Variants in DLG5 observed in about 807,000 individuals in gnomAD.
DLG5 encodes disks large homolog 5.
A neutral mutation model predicts 189.8 loss-of-function variants in DLG5; 48 were observed. That is an observed-to-expected ratio of 0.25 (90% CI 0.20 to 0.32). The LOEUF (loss-of-function observed/expected upper bound fraction) is 0.32. Ranked by LOEUF, DLG5 falls within the 10% of genes least tolerant of loss-of-function variation. The pLI is 1.00. For missense variants in DLG5, 2,160 were observed against 2,544.7 expected, an observed-to-expected ratio of 0.85 and a Z score of 3.25; for synonymous variants, 1,016 against 1,054.1, an observed-to-expected ratio of 0.96 and a Z score of 0.70.
chr10:77,869,363 C>T, intron 1 of DLG5, 166 bp from the exon 2 acceptor site: 1 of 636,202 alleles, frequency 1.6e-6, no homozygotes, highest in South Asian at 1.8e-5. Flanking sequence ...CAGATCTGGA[C>T]TTCGGTGTTT....
At chr10:77,816,753 A>G (rs1320605898) in intron 19 of DLG5, 52 bp from the exon 20 acceptor site, 4 of 1,566,400 alleles carry the variant, frequency 2.6e-6, no homozygotes, top group African/African-American at 2.7e-5. Context: ...CACTTCCCCA[A>G]CAGCCAAGAC....
the DLG5 span, among the ~76,000 whole-genome samples, chr10:77,934,038 A>G: frequency 6.6e-6 from 1 of 150,712 alleles, no homozygotes; most frequent in Non-Finnish European, 1.5e-5. Context: ...ACAGAGTGAG[A>G]CTCTGTCTCC....
At chr10:77,865,635 G>A (rs1844644482) in intron 2 of DLG5, among the ~76,000 whole-genome samples, 1 of 152,180 alleles carries the variant, frequency 6.6e-6, no homozygotes, top group African/African-American at 2.4e-5. Flanking sequence ...GGATGAATGG[G>A]GAGGAAAAAA....
At chr10:77,829,623 G>T (rs138160841) in intron 11 of DLG5, 93 bp from the exon 12 acceptor site, 4 of 1,427,764 alleles carry the variant, frequency 2.8e-6, no homozygotes, top group Non-Finnish European at 3.8e-6. Context: ...GACTGCCAAG[G>T]AGTGGGTGCC....
intron 8 of DLG5, among the ~76,000 whole-genome samples, chr10:77,835,087 C>G (rs1038454048): frequency 6.6e-6 from 1 of 152,138 alleles, no homozygotes; most frequent in Admixed American, 6.5e-5. Flanking sequence ...ACACCTGCCC[C>G]TGGGAATCTC....
chr10:77,796,486 T>A lies in DLG5; in HGVS notation c.5273A>T (p.Asn1758Ile), dbSNP rs150115850. The A allele has an allele frequency of 2.6e-5, 42 of 1,614,058 alleles. No homozygotes were observed. The highest frequency in any genetic ancestry group is 3.5e-5 in the Non-Finnish European group (41 of 1,180,040). The change falls in exon 28 of 32, where the codon AAT becomes ATT. Residue 1758 changes from asparagine (N) to isoleucine (I), a missense_variant. This residue lies in a region of DLG5 where 574 missense variants were observed against 644.2 expected (regional missense o/e 0.89). Coordinates refer to ENST00000372391, the MANE Select transcript of DLG5 (RefSeq NM_004747.4). The surrounding 1 kb of genome is among the most constrained non-coding windows in gnomAD (Gnocchi z 5.2). ...TCTGCAGAACTTGCCAGGAGCCTCA[T>A]TCACCAGCATCTCCTTCACCACGTC... ...LLDVVKEMLVNEAPGKFCRCP... is the reference protein window; with the variant it reads ...LLDVVKEMLVIEAPGKFCRCP...
At chr10:77,902,470 T>C (rs965768140) in intron 1 of DLG5, among the ~76,000 whole-genome samples, 2 of 152,332 alleles carry the variant, frequency 1.3e-5, no homozygotes, top group South Asian at 2.1e-4. Flanking sequence ...CACCGCAGCA[T>C]TGTAAGTACA....
At position 77,794,940 on chromosome 10, in the gene DLG5, C is replaced by G; in HGVS notation, c.5455G>C (p.Asp1819His). Residue 1819 changes from aspartate (D) to histidine (H), a missense_variant, in exon 30 of 32, where the codon GAC (aspartate) becomes CAC (histidine). Asp to His is a moderately conservative substitution (Grantham distance 81). Coordinates refer to ENST00000372391, the MANE Select transcript of DLG5 (RefSeq NM_004747.4). ...CGCTCAATAGCGTGCGGAGCAATGT[C>G]CAGGAGGCAGTGTCGGTTCTGGGGT... Reference protein sequence around the residue: ...ITEKNRHCLLDIAPHAIERLH... With the variant: ...ITEKNRHCLLHIAPHAIERLH... 1 of 1,613,832 alleles carries G rather than the reference C, an allele frequency of 6.2e-7. No homozygotes were observed. The highest frequency in any genetic ancestry group is 1.1e-5 in the South Asian group (1 of 91,044).
At chr10:77,899,719 C>G (rs754928661) in intron 1 of DLG5, among the ~76,000 whole-genome samples, 3 of 152,204 alleles carry the variant, frequency 2.0e-5, no homozygotes, top group Non-Finnish European at 4.4e-5. Context: ...AGCTGGCTCA[C>G]CAGGGACACA....
Position 77,829,479 on chromosome 10 carries a change from G to A in DLG5, c.2061C>T (p.Asp687=). 1 of 1,614,032 alleles carries A rather than the reference G, an allele frequency of 6.2e-7. No homozygotes were observed. Among genetic ancestry groups the A allele is most frequent in the Non-Finnish European group, 8.5e-7 (1 of 1,179,982 alleles). Residue 687 remains aspartate, a synonymous_variant, in exon 12 of 32, where the codon GAC becomes GAT. Transcript: ENST00000372391. The part of the protein sequence containing the change: ...RINDVDLINK[D]KKQAIKALLN... Reference sequence around the variant, plus strand: ...GGAGCGCCTTGATGGCCTGCTTCTTGTCCTTGTTGATGAGGTCCACATCGT... The same window carrying A: ...GGAGCGCCTTGATGGCCTGCTTCTTATCCTTGTTGATGAGGTCCACATCGT...
intron 5 of DLG5, among the ~76,000 whole-genome samples, chr10:77,844,653 T>C (rs1564541166): frequency 6.6e-6 from 1 of 152,142 alleles, no homozygotes; most frequent in Non-Finnish European, 1.5e-5. Flanking sequence ...TATCCTAATT[T>C]GGAGGGTGTG....
At chr10:77,818,139 G>A (rs1382755865) in intron 17 of DLG5, among the ~76,000 whole-genome samples, 1 of 152,118 alleles carries the variant, frequency 6.6e-6, no homozygotes, top group Non-Finnish European at 1.5e-5. Flanking sequence ...CCAGCCATAG[G>A]GTCAGGATTA....
At chr10:77,811,793 C>T (rs781616290) in intron 22 of DLG5, 131 bp downstream of exon 22, 220 of 1,325,704 alleles carry the variant, frequency 1.7e-4, no homozygotes, top group Non-Finnish European at 2.1e-4. Context: ...GGCTGGTCAA[C>T]TCTCTCTTTA....
chr10:77,930,509 G>A (rs1009483713), upstream of DLG5, among the ~76,000 whole-genome samples: 18 of 151,292 alleles, frequency 1.2e-4, no homozygotes, highest in African/African-American at 3.6e-4. Flanking sequence ...CACCAAGCCC[G>A]GCTAATTTTT....
chr10:77,859,127 T>C (rs1481099630), intron 2 of DLG5, among the ~76,000 whole-genome samples: 2 of 152,178 alleles, frequency 1.3e-5, no homozygotes, highest in Non-Finnish European at 2.9e-5. Context: ...CTGCCTGCCT[T>C]GGCCTCCCAA....
In DLG5 at chr10:77,819,892, C is replaced by T. The variant is rs766293459; in HGVS notation, c.3526+3G>A. 4.5e-6 allele frequency: 7 copies of T among 1,551,628 alleles called. No homozygotes were observed. The highest frequency in any genetic ancestry group is 2.7e-5 in the African/African-American group (2 of 73,118). On this transcript the variant is annotated splice_donor_region_variant and intron_variant, in intron 16 of 31. Coordinates refer to ENST00000372391, the MANE Select transcript of DLG5 (RefSeq NM_004747.4). ...AGCCCCAGCCCCTGGCTGGCTGACT[C>T]ACCCACAGACGGCCTGCTAGGGTAT...
chr10:77,822,041 C>T lies in DLG5; in HGVS notation c.2443G>A (p.Asp815Asn). The T allele has an allele frequency of 1.2e-6, 2 of 1,614,160 alleles. No homozygotes were observed. Among genetic ancestry groups the T allele is most frequent in the Non-Finnish European group, 1.7e-6 (2 of 1,180,026 alleles). The change falls in exon 15 of 32, where the codon GAT becomes AAT. Residue 815 changes from aspartate to asparagine, a missense_variant. Around this residue, in one of 5 missense-constraint regions of DLG5, gnomAD observed 754 missense variants for 746.5 expected, o/e 1.01. Transcript: ENST00000372391. ...QNIFENIKDSDKMLSFRAHGP... is the reference protein window; with the variant it reads ...QNIFENIKDSNKMLSFRAHGP... The stretch of plus-strand genomic sequence containing the variant: ...TGGGCTCGAAAACTCAGCATCTTAT[C>T]AGAGTCTTTGATATTTTCAAAAATG...
At chr10:77,857,706 C>A (rs1463597333) in intron 2 of DLG5, among the ~76,000 whole-genome samples, 1 of 152,228 alleles carries the variant, frequency 6.6e-6, no homozygotes, top group African/African-American at 2.4e-5. Flanking sequence ...GAAGAAAGCA[C>A]CTCATCCCAG....
chr10:77,819,729 G>T (rs1842241419), intron 16 of DLG5, 166 bp downstream of exon 16: 8 of 1,224,046 alleles, frequency 6.5e-6, no homozygotes, highest in Non-Finnish European at 9.0e-6. Flanking sequence ...ACATGTCATG[G>T]CTATAAGACA....
Sources: gnomAD v4.1 joint callset for allele counts (sites outside exome capture counted in the v4.1 genomes callset) on GRCh38, gnomAD v4.1.1 for gene constraint, gnomAD v4.1.1 regional missense constraint, Gnocchi (gnomAD v3.1) non-coding constraint, MANE v1.5 for transcripts, NCBI Gene and HGNC (gene_info 2026-07-23, HGNC 2026-07-21) for gene names.